CPS1: variants seen among roughly 807,000 people sequenced by gnomAD.
CPS1 encodes carbamoyl-phosphate synthase 1.
A neutral mutation model predicts 174.6 loss-of-function variants in CPS1; 109 were observed. The ratio of observed to expected loss-of-function variants is 0.62; its 90% confidence interval spans 0.53 to 0.73. CPS1 has a LOEUF of 0.73. Ranked by LOEUF, CPS1 falls within the 30% of genes least tolerant of loss-of-function variation. CPS1 has a pLI of 0.00. For missense variants in CPS1, 1,689 were observed against 1,821.9 expected, an observed-to-expected ratio of 0.93 and a Z score of 1.33; for synonymous variants, 637 against 632.0, an observed-to-expected ratio of 1.01 and a Z score of -0.12.
chr2:210,541,805 T>C (rs1696438926), intron 1 of CPS1, among the ~76,000 whole-genome samples: 1 of 152,204 alleles, frequency 6.6e-6, no homozygotes, highest in African/African-American at 2.4e-5. Context: ...TAAGTATTTT[T>C]ACAAAGATAA....
intron 30 of CPS1, 43 bp from the exon 31 acceptor site, chr2:210,658,556 A>G: frequency 2.6e-6 from 4 of 1,548,266 alleles, no homozygotes; most frequent in Non-Finnish European, 3.6e-6. Flanking sequence ...AAAAACTAAG[A>G]TATGCTCTTT....
intron 1 of CPS1, among the ~76,000 whole-genome samples, chr2:210,496,420 T>C (rs866092021): frequency 3.3e-5 from 5 of 152,162 alleles, no homozygotes; most frequent in Non-Finnish European, 7.4e-5. Flanking sequence ...CCTTTTCTTC[T>C]AGACACAAAT....
At chr2:210,494,556 G>A (rs1033277327) in intron 1 of CPS1, among the ~76,000 whole-genome samples, 16 of 152,194 alleles carry the variant, frequency 1.1e-4, no homozygotes, top group African/African-American at 3.6e-4. Context: ...CAAGATTTGT[G>A]TGGGAGATGC....
chr2:210,648,063 G>T lies in CPS1; in HGVS notation c.3336+6G>T, dbSNP rs759257420. On this transcript the variant is annotated splice_donor_region_variant and intron_variant, in intron 26 of 37. Coordinates refer to ENST00000233072, the MANE Select transcript of CPS1 (RefSeq NM_001875.5). Reference sequence around the variant, plus strand: ...GGAAAGCTGTTAATACTTTGGTAAGGAGAGAAACAAGTATCTGTTTCTAAT... The same window carrying T: ...GGAAAGCTGTTAATACTTTGGTAAGTAGAGAAACAAGTATCTGTTTCTAAT... The T allele has an allele frequency of 1.9e-6, 3 of 1,613,348 alleles. No homozygotes were observed. The East Asian group carries it at 6.7e-5, about 36-fold the overall frequency.
At chr2:210,488,828 T>A (rs376269630) in intron 1 of CPS1, among the ~76,000 whole-genome samples, 6 of 152,292 alleles carry the variant, frequency 3.9e-5, no homozygotes, top group African/African-American at 7.2e-5. Context: ...ATAATTGTAT[T>A]CCATAGCCAG....
Position 210,591,686 on chromosome 2 carries a change from AC to A in CPS1, c.948-144del, listed in dbSNP as rs1174580520. On this transcript the variant is annotated intron_variant, in intron 9 of 37. Coordinates refer to ENST00000233072, the MANE Select transcript of CPS1 (RefSeq NM_001875.5). ...AAATTACTGGGATTAACAATCTGTG[AC>A]TTTTCTCACAGAGTGATTTTCACTA... The A allele has an allele frequency of 3.6e-6, 3 of 830,442 alleles. No homozygotes were observed. The East Asian group carries it at 8.0e-5, about 22-fold the overall frequency. 51.4% of individuals were successfully genotyped at this position (830,442 alleles called of 1,614,324 possible).
chr2:210,676,243 G>A (rs1701530668), intron 36 of CPS1, among the ~76,000 whole-genome samples: 1 of 152,198 alleles, frequency 6.6e-6, no homozygotes, highest in Admixed American at 6.5e-5. Context: ...AGGAACCTAT[G>A]TTGAGTACTA....
At chr2:210,507,443 G>A (rs1035623828) in intron 1 of CPS1, among the ~76,000 whole-genome samples, 4 of 152,118 alleles carry the variant, frequency 2.6e-5, no homozygotes, top group African/African-American at 7.2e-5. Flanking sequence ...GTAAAGACCA[G>A]CGAGGCTAGG....
At chr2:210,501,032 T>G (rs1349267029) in intron 1 of CPS1, among the ~76,000 whole-genome samples, 2 of 152,182 alleles carry the variant, frequency 1.3e-5, no homozygotes, top group African/African-American at 4.8e-5. Flanking sequence ...CAACACCATG[T>G]GGAAACTGCC....
chr2:210,580,469 A>C (rs1263203746), intron 5 of CPS1, among the ~76,000 whole-genome samples: 1 of 152,084 alleles, frequency 6.6e-6, no homozygotes, highest in African/African-American at 2.4e-5. Context: ...TGAAAGAAAC[A>C]TTACGTCACT....
intron 13 of CPS1, among the ~76,000 whole-genome samples, 160 bp downstream of exon 13, chr2:210,595,742 C>T (rs773075147): frequency 1.2e-4 from 18 of 151,982 alleles, no homozygotes; most frequent in Non-Finnish European, 2.5e-4. Flanking sequence ...AGCTTGATCA[C>T]GAGCAAGAAT....
chr2:210,606,930 A>G lies in CPS1; in HGVS notation c.2181A>G (p.Ser727=). The G allele has an allele frequency of 6.2e-7, 1 of 1,612,072 alleles. No individual in the cohort carries two copies. Among genetic ancestry groups the G allele is most frequent in the East Asian group, 2.2e-5 (1 of 44,762 alleles). Residue 727 remains serine, a synonymous_variant, in exon 18 of 38, where the codon TCA becomes TCG. Coordinates refer to ENST00000233072, the MANE Select transcript of CPS1 (RefSeq NM_001875.5). ...TGTCCCGAAGCTCTGCTCTGGCCTCAAAAGCCACTGGGTAAGACCAGAATA... is the reference window on the plus strand; with the variant it reads ...TGTCCCGAAGCTCTGCTCTGGCCTCGAAAGCCACTGGGTAAGACCAGAATA... The part of the protein sequence containing the change: ...ARLSRSSALA[S]KATGYPLAFI...
intron 1 of CPS1, among the ~76,000 whole-genome samples, chr2:210,532,566 A>T (rs963206630): frequency 6.6e-6 from 1 of 151,902 alleles, no homozygotes; most frequent in Non-Finnish European, 1.5e-5. Context: ...CTTTTTTTTT[A>T]ATTAAAGTTT....
At position 210,663,204 on chromosome 2, in the gene CPS1, A is replaced by G. The variant is rs1700981893; in HGVS notation, c.4002+7A>G. 1.2e-6 allele frequency: 2 copies of G among 1,609,538 alleles called. No homozygotes were observed. The highest frequency in any genetic ancestry group is 1.7e-6 in the Non-Finnish European group (2 of 1,176,092). ...GATGGCTTCCACTGGAGAGGTAACT[A>G]GTTAATAATCCATGGAAGCTTTCAT... On this transcript the variant is annotated splice_region_variant and intron_variant, in intron 33 of 37. Coordinates refer to ENST00000233072, the MANE Select transcript of CPS1 (RefSeq NM_001875.5).
intron 1 of CPS1, among the ~76,000 whole-genome samples, chr2:210,536,684 T>C (rs1696263668): frequency 6.6e-6 from 1 of 152,188 alleles, no homozygotes; most frequent in African/African-American, 2.4e-5. Context: ...ATTGAGCTAG[T>C]AGATCTTCAA....
chr2:210,675,616 A>G, intron 35 of CPS1, 112 bp from the exon 36 acceptor site: 2 of 721,886 alleles, frequency 2.8e-6, no homozygotes, highest in East Asian at 2.7e-5. Flanking sequence ...CCATGGCACT[A>G]TACTACTTCT....
chr2:210,590,532 GT>G (rs1698259141), intron 8 of CPS1, among the ~76,000 whole-genome samples: 1 of 151,982 alleles, frequency 6.6e-6, no homozygotes, highest in Non-Finnish European at 1.5e-5. Flanking sequence ...ACAACTCATG[GT>G]TCCTTATCAT....
chr2:210,493,948 A>G (rs952403589), intron 1 of CPS1, among the ~76,000 whole-genome samples: 2 of 152,222 alleles, frequency 1.3e-5, no homozygotes, highest in African/African-American at 4.8e-5. Context: ...AGACTATTTC[A>G]GGGACATCCA....
At chr2:210,612,321 A>G (rs780772346) in intron 20 of CPS1, 28 bp downstream of exon 20, 30 of 1,609,898 alleles carry the variant, frequency 1.9e-5, no homozygotes, top group Non-Finnish European at 2.5e-5. Context: ...GCCCACAGCT[A>G]CTAGTTGCTT....
Sources: gnomAD v4.1 joint callset for allele counts (sites outside exome capture counted in the v4.1 genomes callset) on GRCh38, gnomAD v4.1.1 for gene constraint, MANE v1.5 for transcripts, NCBI Gene and HGNC (gene_info 2026-07-23, HGNC 2026-07-21) for gene names.